FNIP1: variants seen among roughly 807,000 people sequenced by gnomAD.
The protein encoded by FNIP1 is folliculin-interacting protein 1.
Under a neutral mutation model 124.5 loss-of-function variants are expected in FNIP1, and 40 were observed. The ratio of observed to expected loss-of-function variants is 0.32; its 90% CI spans 0.25 to 0.42. The LOEUF (loss-of-function observed/expected upper bound fraction) is 0.42, where lower values mean the gene tolerates loss of function less well. Ranked by LOEUF, FNIP1 falls within the 10% of genes least tolerant of loss-of-function variation. FNIP1 has a pLI of 1.00. For missense variants in FNIP1, 1,176 were observed against 1,403.7 expected, an observed-to-expected ratio of 0.84 and a Z score of 2.59; for synonymous variants, 472 against 470.6, an observed-to-expected ratio of 1.00 and a Z score of -0.04.
chr5:131,756,053 C>T (rs545488762), intron 1 of FNIP1, among the ~76,000 whole-genome samples: 1 of 151,520 alleles, frequency 6.6e-6, no homozygotes, highest in East Asian at 1.9e-4. Flanking sequence ...AAAGGAATCA[C>T]GCACAATGCA....
chr5:131,763,288 TACACACACACACACACAC>T (rs34544569), intron 1 of FNIP1, among the ~76,000 whole-genome samples: 1 of 148,354 alleles, frequency 6.7e-6, no homozygotes, highest in Non-Finnish European at 1.5e-5. Flanking sequence ...CAAATGCAAA[TACACACACACACACACAC>T]ACACACACAC....
intron 1 of FNIP1, among the ~76,000 whole-genome samples, chr5:131,768,674 A>T (rs1048051018): frequency 6.6e-6 from 1 of 151,922 alleles, no homozygotes; most frequent in African/African-American, 2.4e-5. Flanking sequence ...GCCAGGGGTA[A>T]TGTAATCCCA....
At position 131,729,925 on chromosome 5, in the gene FNIP1, G is replaced by A. The variant is rs949112432; in HGVS notation, c.354+979C>T. Among the ~76,000 whole-genome samples, 6 of 151,666 alleles carry A rather than the reference G, an allele frequency of 4.0e-5. No individual in the cohort carries two copies. In the East Asian group the frequency reaches 1.2e-3, roughly 29 times the overall value. Reference sequence around the variant, plus strand: ...CATGCCTAATTTTACATTTTTAGTAGAGATAGGGTTTCTCCATGTTGGTCA... The same window carrying A: ...CATGCCTAATTTTACATTTTTAGTAAAGATAGGGTTTCTCCATGTTGGTCA... On this transcript the variant is annotated intron_variant, in intron 3 of 17. Coordinates refer to ENST00000510461, the MANE Select transcript of FNIP1 (RefSeq NM_133372.3).
intron 11 of FNIP1, among the ~76,000 whole-genome samples, chr5:131,688,271 A>G (rs562393965): frequency 6.6e-6 from 1 of 150,514 alleles, no homozygotes; most frequent in Non-Finnish European, 1.5e-5. Context: ...GGAAAACCAA[A>G]GAAAGAGGAG....
At chr5:131,693,326 A>ATATG (rs1768561428) in intron 11 of FNIP1, among the ~76,000 whole-genome samples, 1 of 82,658 alleles carries the variant, frequency 1.2e-5, no homozygotes, top group African/African-American at 5.6e-5. Context: ...ACACATATAT[A>ATATG]TATATACATA....
intron 2 of FNIP1, among the ~76,000 whole-genome samples, chr5:131,741,804 G>T (rs916717972): frequency 9.2e-5 from 14 of 152,116 alleles, no homozygotes; most frequent in Admixed American, 7.2e-4. Flanking sequence ...ACAATCAATA[G>T]GATTTTGATT....
intron 3 of FNIP1, among the ~76,000 whole-genome samples, chr5:131,727,009 G>A (rs1769900418): frequency 6.6e-6 from 1 of 152,198 alleles, no homozygotes; most frequent in Non-Finnish European, 1.5e-5. Flanking sequence ...TTTGGTCTGA[G>A]AGACTGTTTG....
intron 3 of FNIP1, among the ~76,000 whole-genome samples, chr5:131,730,292 C>G (rs1322847394): frequency 6.6e-6 from 1 of 152,152 alleles, no homozygotes; most frequent in Non-Finnish European, 1.5e-5. Flanking sequence ...ACACAATCAT[C>G]TCATTACCAG....
At chr5:131,770,637 G>A (rs927168910) in intron 1 of FNIP1, among the ~76,000 whole-genome samples, 5 of 152,160 alleles carry the variant, frequency 3.3e-5, no homozygotes, top group Non-Finnish European at 7.4e-5. Context: ...AATTCCAACT[G>A]TGCCACATAC....
At chr5:131,653,967 C>T (rs1767119806) in intron 15 of FNIP1, among the ~76,000 whole-genome samples, 1 of 152,216 alleles carries the variant, frequency 6.6e-6, no homozygotes, top group Admixed American at 6.5e-5. Flanking sequence ...GTCTCGAACT[C>T]CTGACCTCGC....
intron 15 of FNIP1, among the ~76,000 whole-genome samples, chr5:131,659,300 T>C (rs1767326098): frequency 6.6e-6 from 1 of 152,234 alleles, no homozygotes; most frequent in Admixed American, 6.5e-5. Flanking sequence ...TTTGTGGATG[T>C]CACAGGATTC....
chr5:131,684,756 G>C (rs1241009521), intron 11 of FNIP1, among the ~76,000 whole-genome samples: 1 of 152,152 alleles, frequency 6.6e-6, no homozygotes, highest in Non-Finnish European at 1.5e-5. Context: ...CTGTTCTGGT[G>C]ACTTCAGCTG....
chr5:131,744,531 T>C (rs531269487), intron 2 of FNIP1, 33 bp downstream of exon 2: 1 of 1,572,458 alleles, frequency 6.4e-7, no homozygotes, highest in African/African-American at 1.4e-5. Flanking sequence ...ATGTTCAACA[T>C]TAAAAGTCAA....
At chr5:131,681,289 A>G (rs1768070014) in intron 11 of FNIP1, among the ~76,000 whole-genome samples, 2 of 152,142 alleles carry the variant, frequency 1.3e-5, no homozygotes. Flanking sequence ...ATATCTAAAT[A>G]TGCTTCTTCA....
intron 1 of FNIP1, among the ~76,000 whole-genome samples, chr5:131,769,016 C>T (rs1425405776): frequency 6.6e-6 from 1 of 152,024 alleles, no homozygotes; most frequent in Non-Finnish European, 1.5e-5. Context: ...GATCAATACA[C>T]TAATACAATG....
intron 1 of FNIP1, among the ~76,000 whole-genome samples, chr5:131,786,769 C>T (rs1772232889): frequency 6.6e-6 from 1 of 152,180 alleles, no homozygotes; most frequent in Admixed American, 6.5e-5. Context: ...TTTTCTCTTG[C>T]CCACGTGATG....
At chr5:131,792,605 C>T (rs960142332) in intron 1 of FNIP1, among the ~76,000 whole-genome samples, 2 of 152,184 alleles carry the variant, frequency 1.3e-5, no homozygotes, top group Admixed American at 6.5e-5. Flanking sequence ...ATTTGGGATA[C>T]AGGATGAGCA....
chr5:131,790,300 G>A (rs929069986), intron 1 of FNIP1, among the ~76,000 whole-genome samples: 11 of 151,846 alleles, frequency 7.2e-5, no homozygotes, highest in African/African-American at 2.2e-4. Context: ...GCAACGTGGC[G>A]AAACCCCGTG....
At chr5:131,783,453 CA>C (rs568684656) in intron 1 of FNIP1, among the ~76,000 whole-genome samples, 81 of 132,510 alleles carry the variant, frequency 6.1e-4, no homozygotes, top group Non-Finnish European at 5.0e-4. Flanking sequence ...CAAAACAGAC[CA>C]AAAAAAAAAA....
Sources: gnomAD v4.1 joint callset for allele counts (sites outside exome capture counted in the v4.1 genomes callset) on GRCh38, gnomAD v4.1.1 for gene constraint, MANE v1.5 for transcripts, NCBI Gene and HGNC (gene_info 2026-07-23, HGNC 2026-07-21) for gene names.